The following BARD1 variants were observed in gnomAD, a reference collection of about 807,000 sequenced individuals.
The protein encoded by BARD1 is BRCA1-associated RING domain protein 1.
BARD1 carries 73 observed loss-of-function variants against 77.0 expected under a neutral mutation model. The ratio of observed to expected loss-of-function variants is 0.95; its 90% CI spans 0.79 to 1.15. The LOEUF is 1.15. BARD1 is among the 50% of genes most tolerant of loss of function. The probability of loss-of-function intolerance (pLI) is 0.00; values close to 1 mark genes in which losing one functional copy is unlikely to be tolerated. For missense variants in BARD1, 993 were observed against 938.8 expected (o/e 1.06, Z -0.75); for synonymous variants, 384 against 338.0 (o/e 1.14, Z -1.49).
At chr2:214,806,876 G>A (rs58117910) in intron 1 of BARD1, among the ~76,000 whole-genome samples, 81,820 of 133,588 alleles carry the variant, frequency 0.61, 25,504 homozygotes, top group African/African-American at 0.69. Flanking sequence ...TTTGCCTAGG[G>A]AAAAAAAAAA....
At chr2:214,745,947 C>A (rs2106021769) in intron 7 of BARD1, 93 bp from the exon 8 acceptor site, 1 of 1,396,646 alleles carries the variant, frequency 7.2e-7, no homozygotes, top group Admixed American at 1.7e-5. Context: ...GCTTGAATTT[C>A]ATTACTTAGT....
intron 4 of BARD1, among the ~76,000 whole-genome samples, chr2:214,773,552 G>C (rs190972306): frequency 6.6e-6 from 1 of 152,168 alleles, no homozygotes; most frequent in East Asian, 1.9e-4. Flanking sequence ...CAAGTCACAC[G>C]AATCTTCTGG....
intron 8 of BARD1, 89 bp downstream of exon 8, chr2:214,745,633 A>C (rs1693067515): frequency 6.6e-7 from 1 of 1,516,186 alleles, no homozygotes; most frequent in Admixed American, 1.7e-5. Flanking sequence ...AATGGTTAAA[A>C]CATATGTAAA....
At chr2:214,787,770 G>A (rs1574832420) in intron 3 of BARD1, among the ~76,000 whole-genome samples, 2 of 151,830 alleles carry the variant, frequency 1.3e-5, no homozygotes, top group African/African-American at 4.8e-5. Flanking sequence ...ATCAACTATA[G>A]AAAAAAGAGG....
At position 214,748,514 on chromosome 2, in the gene BARD1, TA is replaced by T. The variant is rs368282849; in HGVS notation, c.1678-2661del. Among the ~76,000 whole-genome samples, 1,153 of 152,054 alleles carry T rather than the reference TA, an allele frequency of 7.6e-3. 13 individuals carry two copies. The highest frequency in any genetic ancestry group is 0.046 in the South Asian group (220 of 4,808). ...TTCTTAAGTTCATCAAAAATGGGGT[TA>T]AAAAATCTAGAAAAAAAATTAAAAA... On this transcript the variant is annotated intron_variant, in intron 7 of 10. Coordinates refer to ENST00000260947, the MANE Select transcript of BARD1 (RefSeq NM_000465.4).
intron 2 of BARD1, among the ~76,000 whole-genome samples, chr2:214,795,103 C>T (rs1695701280): frequency 6.6e-6 from 1 of 152,098 alleles, no homozygotes; most frequent in Non-Finnish European, 1.5e-5. Context: ...TGAGCAAACC[C>T]ATCATCTGTC....
intron 4 of BARD1, among the ~76,000 whole-genome samples, chr2:214,778,509 A>C (rs779018819): frequency 1.3e-5 from 2 of 152,190 alleles, no homozygotes; most frequent in Admixed American, 6.5e-5. Context: ...CATATGAAGT[A>C]ATCTTGAACG....
At chr2:214,798,429 A>G (rs1006872422) in intron 1 of BARD1, among the ~76,000 whole-genome samples, 1 of 152,146 alleles carries the variant, frequency 6.6e-6, no homozygotes, top group African/African-American at 2.4e-5. Flanking sequence ...TATTTGACCT[A>G]GCAAACCTAA....
rs1695042595 is a variant in BARD1 at position 214,781,605 on chromosome 2, A to G, written c.365-96T>C. On this transcript the variant is annotated intron_variant, in intron 3 of 10. Coordinates refer to ENST00000260947, the MANE Select transcript of BARD1 (RefSeq NM_000465.4). ...TTTGTTTACAGTTCCCCTAAAGTGT[A>G]TCATCTTTTAATTATGTACTTCTTT... The G allele has an allele frequency of 1.2e-5, 11 of 913,482 alleles. No homozygotes were observed. The South Asian group carries it at 1.2e-4, about 10-fold the overall frequency. The allele number at this position is 913,482 out of a possible 1,614,324, so 56.6% of individuals were successfully genotyped here.
chr2:214,729,596 A>G (rs1210102634), intron 10 of BARD1, among the ~76,000 whole-genome samples: 2 of 152,022 alleles, frequency 1.3e-5, no homozygotes, highest in East Asian at 3.9e-4. Context: ...GTTCCTTTTC[A>G]CTCTTCTAAA....
chr2:214,804,413 T>C (rs1398752145), intron 1 of BARD1, among the ~76,000 whole-genome samples: 1 of 152,216 alleles, frequency 6.6e-6, no homozygotes, highest in East Asian at 1.9e-4. Flanking sequence ...AACCTAGTTT[T>C]ACTAAATATA....
rs141223727 is a variant in BARD1, at chr2:214,748,305, T to C, written c.1678-2451A>G. On this transcript the variant is annotated intron_variant, in intron 7 of 10. Coordinates refer to ENST00000260947, the MANE Select transcript of BARD1 (RefSeq NM_000465.4). ...ATGTCTGATTTGGGGTGAGGTGGCA[T>C]GGGGGCTGGGGATTTGACTTGAATA... 5.5e-3 allele frequency among the ~76,000 whole-genome samples: 831 copies of C among 152,198 alleles called. 8 individuals carry two copies. Among genetic ancestry groups the C allele is most frequent in the African/African-American group, 0.019 (799 of 41,522 alleles).
chr2:214,743,704 CT>C (rs34985285), intron 9 of BARD1, among the ~76,000 whole-genome samples: 74,162 of 151,816 alleles, frequency 0.49, 18,274 homozygotes, highest in East Asian at 0.56. Context: ...CTGCCTCAGC[CT>C]CCCAAGTGGC....
intron 4 of BARD1, among the ~76,000 whole-genome samples, chr2:214,770,116 C>G (rs1366796622): frequency 6.6e-6 from 1 of 152,178 alleles, no homozygotes; most frequent in African/African-American, 2.4e-5. Flanking sequence ...ATTTGTTCAA[C>G]ATTTTCTAGG....
At chr2:214,768,117 GGCT>G (rs1435610156) in intron 5 of BARD1, among the ~76,000 whole-genome samples, 1 of 152,172 alleles carries the variant, frequency 6.6e-6, no homozygotes, top group Non-Finnish European at 1.5e-5. Flanking sequence ...ATTGCTGTAT[GGCT>G]GCTGTTATTG....
At chr2:214,781,648 G>C (rs1392060929) in intron 3 of BARD1, 139 bp from the exon 4 acceptor site, 17 of 677,568 alleles carry the variant, frequency 2.5e-5, no homozygotes, top group Non-Finnish European at 3.9e-5. Flanking sequence ...CCTAGAGTGT[G>C]AACTCTTTGA....
Position 214,781,129 on chromosome 2 carries a change from T to C in BARD1, c.745A>G (p.Ile249Val), listed in dbSNP as rs745462573. ...LVSFCSQPSV[I>V]SSPQINGEID... ...TCACCATTTATCTGAGGACTGGAGA[T>C]AACAGATGGTTGGCTACAGAAGGAT... Residue 249 changes from isoleucine to valine, a missense_variant, in exon 4 of 11, where the codon ATC (isoleucine) becomes GTC (valine). Transcript: ENST00000260947. 1 of 1,575,904 alleles carries C rather than the reference T, an allele frequency of 6.3e-7. No homozygotes were observed. The highest frequency in any genetic ancestry group is 8.6e-7 in the Non-Finnish European group (1 of 1,165,358).
chr2:214,733,559 G>A (rs563062595), intron 9 of BARD1, among the ~76,000 whole-genome samples: 3 of 152,086 alleles, frequency 2.0e-5, no homozygotes, highest in Non-Finnish European at 4.4e-5. Flanking sequence ...CACCTATCAT[G>A]TACAAGAGAA....
Position 214,780,722 on chromosome 2 carries a change from G to C in BARD1, c.1152C>G (p.Ser384=), listed in dbSNP as rs368291318. 2 of 1,614,024 alleles carry C rather than the reference G, an allele frequency of 1.2e-6. No homozygotes were observed. Among genetic ancestry groups the C allele is most frequent in the Non-Finnish European group, 8.5e-7 (1 of 1,179,958 alleles). Residue 384 remains serine (S), a synonymous_variant, in exon 4 of 11, where the codon TCC becomes TCG. Coordinates refer to ENST00000260947, the MANE Select transcript of BARD1 (RefSeq NM_000465.4). ...CTGGTGAAAGACTAATGAATTCATC[G>C]GACATGTTACTGTTTTTCCTCCCTG... is the stretch of plus-strand genomic sequence containing the variant. The part of the protein sequence containing the change: ...GTSGRKNSNM[S]DEFISLSPGT...
Sources: gnomAD v4.1 joint callset for allele counts (sites outside exome capture counted in the v4.1 genomes callset) on GRCh38, gnomAD v4.1.1 for gene constraint, MANE v1.5 for transcripts, NCBI Gene and HGNC (gene_info 2026-07-23, HGNC 2026-07-21) for gene names.